Variants in BMPER observed in about 807,000 individuals in gnomAD.
BMPER encodes BMP-binding endothelial regulator protein.
A neutral mutation model predicts 87.3 loss-of-function variants in BMPER; 45 were observed. That is an observed-to-expected ratio of 0.52 (90% CI 0.41 to 0.66). The LOEUF is 0.66. BMPER is among the 30% of genes least tolerant of loss of function. The probability of loss-of-function intolerance (pLI) is 0.00; values close to 1 mark genes in which losing one functional copy is unlikely to be tolerated. For missense variants in BMPER, 784 were observed against 867.5 expected (o/e 0.90, Z 1.21); for synonymous variants, 326 against 316.2 (o/e 1.03, Z -0.33).
chr7:34,112,883 G>A (rs1790017995), intron 13 of BMPER, among the ~76,000 whole-genome samples: 1 of 151,854 alleles, frequency 6.6e-6, no homozygotes, highest in Non-Finnish European at 1.5e-5. Flanking sequence ...TTAATGTTGA[G>A]CATTTAAGGT....
At chr7:34,053,748 C>T (rs1200519307) in intron 8 of BMPER, among the ~76,000 whole-genome samples, 1 of 152,046 alleles carries the variant, frequency 6.6e-6, no homozygotes, top group Non-Finnish European at 1.5e-5. Flanking sequence ...TTGGTCTTGT[C>T]TCAGGGGTAG....
At chr7:34,060,672 T>C (rs1788412851) in intron 10 of BMPER, among the ~76,000 whole-genome samples, 1 of 152,228 alleles carries the variant, frequency 6.6e-6, no homozygotes, top group Admixed American at 6.5e-5. Flanking sequence ...TTAAGCCTAC[T>C]CTTGATGGAA....
At chr7:33,966,455 C>T (rs370236190) in intron 3 of BMPER, 24 bp from the exon 4 acceptor site, 22 of 1,604,132 alleles carry the variant, frequency 1.4e-5, no homozygotes, top group Non-Finnish European at 1.7e-5. Flanking sequence ...GGCCTTTCTT[C>T]CTGCTTCTGT....
At chr7:33,970,873 C>A (rs1022911845) in intron 5 of BMPER, among the ~76,000 whole-genome samples, 2 of 152,120 alleles carry the variant, frequency 1.3e-5, no homozygotes, top group African/African-American at 4.8e-5. Context: ...TGTGGTTCAA[C>A]AAGGTGGACC....
At chr7:33,979,476 C>T (rs868279127) in intron 6 of BMPER, among the ~76,000 whole-genome samples, 5 of 151,980 alleles carry the variant, frequency 3.3e-5, no homozygotes, top group African/African-American at 1.2e-4. Flanking sequence ...CTCCTCTGTG[C>T]TTAGCACCAC....
At chr7:33,998,481 C>A (rs768286306) in intron 6 of BMPER, among the ~76,000 whole-genome samples, 22 of 152,182 alleles carry the variant, frequency 1.4e-4, no homozygotes, top group Middle Eastern at 3.2e-3. Context: ...TTCTTGAATG[C>A]TTTTCCTTCT....
intron 5 of BMPER, among the ~76,000 whole-genome samples, chr7:33,972,799 G>C (rs1216683372): frequency 4.6e-5 from 7 of 152,224 alleles, no homozygotes; most frequent in African/African-American, 1.7e-4. Flanking sequence ...TCAATTACGG[G>C]ATCATGAATC....
intron 12 of BMPER, among the ~76,000 whole-genome samples, chr7:34,079,743 A>T (rs747732970): frequency 1.3e-5 from 2 of 152,212 alleles, no homozygotes; most frequent in African/African-American, 4.8e-5. Context: ...AGACTCTGGT[A>T]TGCAGGAGTA....
At chr7:34,129,577 GGA>G (rs759886152) in intron 13 of BMPER, among the ~76,000 whole-genome samples, 2,006 of 47,554 alleles carry the variant, frequency 0.042, 52 homozygotes, top group East Asian at 0.17. Flanking sequence ...AAGGAAGGAA[GGA>G]GAGAGAGAGA....
intron 2 of BMPER, among the ~76,000 whole-genome samples, chr7:33,907,973 C>A (rs894073388): frequency 3.3e-5 from 5 of 152,168 alleles, no homozygotes; most frequent in Non-Finnish European, 7.3e-5. Flanking sequence ...AAACAATTAT[C>A]AGGTTCGGAA....
intron 3 of BMPER, among the ~76,000 whole-genome samples, chr7:33,940,860 ATATAT>A (rs1392218883): frequency 1.6e-3 from 229 of 141,598 alleles, no homozygotes; most frequent in African/African-American, 5.4e-3. Flanking sequence ...TAGAATTTAT[ATATAT>A]TATATTATAT....
rs370465739 is a variant in BMPER at position 33,951,040 on chromosome 7, T to C, written c.319+13652T>C. Among the ~76,000 whole-genome samples the C allele has an allele frequency of 1.9e-4, 28 of 150,074 alleles. No individual in the cohort carries two copies. In the East Asian group the frequency reaches 2.4e-3, roughly 13 times the overall value. On this transcript the variant is annotated intron_variant, in intron 3 of 14. Coordinates refer to ENST00000649409, the MANE Select transcript of BMPER (RefSeq NM_001365308.1). ...GTCTCCCCATCTTCTTCTGCACTTCTCCTGGTGGGACTTTTTTTTTTTTTT... is the reference window on the plus strand; with the variant it reads ...GTCTCCCCATCTTCTTCTGCACTTCCCCTGGTGGGACTTTTTTTTTTTTTT...
At chr7:34,031,755 C>T (rs969599997) in intron 6 of BMPER, among the ~76,000 whole-genome samples, 19 of 151,564 alleles carry the variant, frequency 1.3e-4, no homozygotes, top group Admixed American at 5.3e-4. Flanking sequence ...ATATAATTTT[C>T]ACAACAGCTT....
chr7:33,979,483 C>T (rs1785787115), intron 6 of BMPER, among the ~76,000 whole-genome samples: 1 of 152,178 alleles, frequency 6.6e-6, no homozygotes, highest in South Asian at 2.1e-4. Flanking sequence ...GTGCTTAGCA[C>T]CACTGGCAGG....
chr7:34,033,220 T>C (rs889017053), intron 6 of BMPER, among the ~76,000 whole-genome samples: 11 of 152,162 alleles, frequency 7.2e-5, no homozygotes, highest in Admixed American at 7.2e-4. Flanking sequence ...TAATGTACCA[T>C]CTAAATATTA....
chr7:34,024,082 C>G (rs1158069713), intron 6 of BMPER, among the ~76,000 whole-genome samples: 1 of 151,630 alleles, frequency 6.6e-6, no homozygotes, highest in Non-Finnish European at 1.5e-5. Flanking sequence ...ATTTTACTTT[C>G]TTTATTTTTA....
chr7:33,932,519 G>A (rs1784506977), intron 2 of BMPER, among the ~76,000 whole-genome samples: 1 of 152,194 alleles, frequency 6.6e-6, no homozygotes, highest in Non-Finnish European at 1.5e-5. Context: ...CCATCATCTA[G>A]GGGAAGGGTC....
At chr7:34,104,284 C>T (rs983044150) in intron 13 of BMPER, among the ~76,000 whole-genome samples, 1 of 152,300 alleles carries the variant, frequency 6.6e-6, no homozygotes, top group East Asian at 1.9e-4. Flanking sequence ...CGTGATTCCT[C>T]TCTATGACAG....
chr7:34,021,925 T>C (rs1787198787), intron 6 of BMPER, among the ~76,000 whole-genome samples: 1 of 152,016 alleles, frequency 6.6e-6, no homozygotes, highest in Admixed American at 6.6e-5. Context: ...AGGGAACTTA[T>C]TTTCTTGTGG....
Sources: gnomAD v4.1 joint callset for allele counts (sites outside exome capture counted in the v4.1 genomes callset) on GRCh38, gnomAD v4.1.1 for gene constraint, MANE v1.5 for transcripts, NCBI Gene and HGNC (gene_info 2026-07-23, HGNC 2026-07-21) for gene names.